The following SLC35F3 variants were observed in gnomAD, a reference collection of about 807,000 sequenced individuals.
SLC35F3 encodes the protein putative thiamine transporter SLC35F3.
SLC35F3 carries 25 observed loss-of-function variants against 49.9 expected under a neutral mutation model. The ratio of observed to expected loss-of-function variants is 0.50; its 90% CI spans 0.37 to 0.70. The LOEUF (loss-of-function observed/expected upper bound fraction) is 0.70. SLC35F3 is among the 30% of genes least tolerant of loss of function. SLC35F3 has a pLI of 0.00. For synonymous variants in SLC35F3, 275 were observed against 265.4 expected (o/e 1.04, Z -0.35); for missense variants, 525 against 639.8 (o/e 0.82, Z 1.94).
chr1:234,166,823 G>T (rs940170245), intron 2 of SLC35F3, among the ~76,000 whole-genome samples: 12 of 152,212 alleles, frequency 7.9e-5, no homozygotes, highest in African/African-American at 2.7e-4. Context: ...GAAAGATCTT[G>T]TGGTTCCTTT....
intron 2 of SLC35F3, among the ~76,000 whole-genome samples, chr1:234,028,534 T>C (rs1305760252): frequency 6.6e-6 from 1 of 152,130 alleles, no homozygotes; most frequent in Non-Finnish European, 1.5e-5. Context: ...TGGTGTTCTG[T>C]GGAGGTAGGC....
intron 2 of SLC35F3, among the ~76,000 whole-genome samples, chr1:233,998,614 G>A (rs1253590527): frequency 2.0e-5 from 3 of 151,662 alleles, no homozygotes. Context: ...CAGTAATGGA[G>A]ATGTTCTCTA....
At chr1:234,084,677 C>T (rs1664935711) in intron 2 of SLC35F3, among the ~76,000 whole-genome samples, 1 of 152,200 alleles carries the variant, frequency 6.6e-6, no homozygotes, top group Non-Finnish European at 1.5e-5. Flanking sequence ...GCCCTCGCAA[C>T]TCCAGGTGTT....
At chr1:234,122,639 G>A in intron 2 of SLC35F3, among the ~76,000 whole-genome samples, 1 of 152,032 alleles carries the variant, frequency 6.6e-6, no homozygotes, top group East Asian at 1.9e-4. Context: ...GGCCCAACAG[G>A]CCTCAGTATG....
At chr1:233,928,307 G>A (rs1304515287) in intron 2 of SLC35F3, among the ~76,000 whole-genome samples, 2 of 152,140 alleles carry the variant, frequency 1.3e-5, no homozygotes, top group East Asian at 3.8e-4. Flanking sequence ...TTTTTTAGAA[G>A]AAATGTGAGC....
In SLC35F3 at chr1:234,191,975, C is replaced by CA. The variant is rs1328923285; in HGVS notation, c.284-39432dup. On this transcript the variant is annotated intron_variant, in intron 2 of 7. Transcript: ENST00000366618. ...CAAATAATAATTTAAAAATTACCAACAAAAAAAAAAGTCCAGGACCAGATG... is the reference window on the plus strand; with the variant it reads ...CAAATAATAATTTAAAAATTACCAACAAAAAAAAAAAGTCCAGGACCAGATG... 3.5e-3 allele frequency among the ~76,000 whole-genome samples: 508 copies of CA among 146,340 alleles called. 4 individuals are homozygous for CA. Among genetic ancestry groups the CA allele is most frequent in the African/African-American group, 0.012 (473 of 40,180 alleles).
chr1:233,977,486 T>A (rs1663110190), intron 2 of SLC35F3, among the ~76,000 whole-genome samples: 1 of 152,058 alleles, frequency 6.6e-6, no homozygotes, highest in African/African-American at 2.4e-5. Flanking sequence ...TCTGATAGAG[T>A]TAGGGGACAG....
At chr1:234,294,309 GCT>G (rs1320377596) in intron 3 of SLC35F3, among the ~76,000 whole-genome samples, 2 of 152,194 alleles carry the variant, frequency 1.3e-5, no homozygotes, top group African/African-American at 4.8e-5. Context: ...AACAGGCTTG[GCT>G]CTGTTTCCTG....
intron 2 of SLC35F3, among the ~76,000 whole-genome samples, chr1:233,999,701 G>A (rs1341865958): frequency 1.3e-5 from 2 of 151,608 alleles, no homozygotes; most frequent in Non-Finnish European, 2.9e-5. Flanking sequence ...GCAAGTGGCC[G>A]AGCCCATTTG....
rs986839344 is a variant in SLC35F3, at chr1:234,214,549, G to T, written c.284-16868G>T. Reference sequence around the variant, plus strand: ...CCCCGCTCAGCGCCTGCAACAGTCCGGTCCTGACCCTTACCAAAGTGGAAG... The same window carrying T: ...CCCCGCTCAGCGCCTGCAACAGTCCTGTCCTGACCCTTACCAAAGTGGAAG... On this transcript the variant is annotated intron_variant, in intron 2 of 7. Coordinates refer to ENST00000366618, the MANE Select transcript of SLC35F3 (RefSeq NM_173508.4). This position sits in a 1 kb window ranked among gnomAD's most constrained non-coding sequence, Gnocchi z 8.0. The T allele has an allele frequency of 2.6e-6, 4 of 1,559,304 alleles. No individual in the cohort carries two copies. Among genetic ancestry groups the T allele is most frequent in the South Asian group, 1.2e-5 (1 of 83,450 alleles).
Position 233,957,776 on chromosome 1 carries a change from T to A in SLC35F3, c.283+52018T>A, listed in dbSNP as rs1339496256. On this transcript the variant is annotated intron_variant, in intron 2 of 7. Coordinates refer to ENST00000366618, the MANE Select transcript of SLC35F3 (RefSeq NM_173508.4). This position sits in a 1 kb window ranked among gnomAD's most constrained non-coding sequence, Gnocchi z 4.0. ...GTTGCATTGAGCCGAGACTGCATGA[T>A]TGCACTCCACCTAGGGCGACAAAAG... 6.6e-6 allele frequency among the ~76,000 whole-genome samples: 1 copy of A among 152,030 alleles called. No homozygotes were observed. Among genetic ancestry groups the A allele is most frequent in the African/African-American group, 2.4e-5 (1 of 41,390 alleles).
rs572563292 is a variant in SLC35F3 at position 233,976,020 on chromosome 1, T to C, written c.283+70262T>C. Among the ~76,000 whole-genome samples the C allele has an allele frequency of 4.1e-4, 62 of 152,288 alleles. No homozygotes were observed. In the South Asian group the frequency reaches 0.012, roughly 31 times the overall value. ...AAGATAATCCTGAAACGTAAGATCA[T>C]TACCCTTAGTGAACCAGTGCAAAAA... On this transcript the variant is annotated intron_variant, in intron 2 of 7. Coordinates refer to ENST00000366618, the MANE Select transcript of SLC35F3 (RefSeq NM_173508.4).
At chr1:234,159,750 G>A (rs561435149) in intron 2 of SLC35F3, among the ~76,000 whole-genome samples, 1 of 152,060 alleles carries the variant, frequency 6.6e-6, no homozygotes, top group East Asian at 1.9e-4. Context: ...TAATTTGTAG[G>A]CAAGGGATTC....
intron 2 of SLC35F3, among the ~76,000 whole-genome samples, chr1:234,122,396 T>C (rs1558235509): frequency 6.6e-6 from 1 of 152,258 alleles, no homozygotes; most frequent in Admixed American, 6.5e-5. Flanking sequence ...CAAATAGCTA[T>C]ACCAATATTT....
Position 233,905,771 on chromosome 1 carries a change from C to CA in SLC35F3, c.283+14dup, listed in dbSNP as rs1240459044. 1.3e-6 allele frequency: 2 copies of CA among 1,596,916 alleles called. No individual in the cohort carries two copies. Among genetic ancestry groups the CA allele is most frequent in the African/African-American group, 2.7e-5 (2 of 74,674 alleles). On this transcript the variant is annotated intron_variant, in intron 2 of 7. Coordinates refer to ENST00000366618, the MANE Select transcript of SLC35F3 (RefSeq NM_173508.4). ...GCGAGCTGCAAAAGTAAGACCCCCT[C>CA]ACGTCATGTTTCCCGTTCACTGGTC...
At chr1:234,074,533 G>C (rs765224143) in intron 2 of SLC35F3, among the ~76,000 whole-genome samples, 1 of 152,212 alleles carries the variant, frequency 6.6e-6, no homozygotes, top group Non-Finnish European at 1.5e-5. Flanking sequence ...AAGATGAAGT[G>C]GGGGAGGGTA....
rs530739812 is a variant in SLC35F3 at position 234,035,541 on chromosome 1, T to C, written c.283+129783T>C. Among the ~76,000 whole-genome samples the C allele has an allele frequency of 2.0e-5, 3 of 152,320 alleles. No homozygotes were observed. In the South Asian group the frequency reaches 6.2e-4, roughly 32 times the overall value. On this transcript the variant is annotated intron_variant, in intron 2 of 7. Transcript: ENST00000366618. ...TTCTTGAATTGTATTATAAATAATT[T>C]GTTTCCTTCCATCTCTCTTTTCTAA...
At chr1:234,300,589 A>G (rs1197439186) in intron 3 of SLC35F3, among the ~76,000 whole-genome samples, 1 of 152,266 alleles carries the variant, frequency 6.6e-6, no homozygotes, top group Admixed American at 6.5e-5. Flanking sequence ...ATAAGCTGCT[A>G]TTACAATAAA....
At chr1:234,195,965 G>C (rs1487649427) in intron 2 of SLC35F3, among the ~76,000 whole-genome samples, 1 of 152,052 alleles carries the variant, frequency 6.6e-6, no homozygotes, top group African/African-American at 2.4e-5. Context: ...CCAGCCACGT[G>C]GAATTGTGAG....
Sources: allele counts gnomAD v4.1 joint callset (sites outside exome capture counted in the v4.1 genomes callset), GRCh38; gene constraint gnomAD v4.1.1; non-coding constraint Gnocchi (gnomAD v3.1); transcripts MANE v1.5; gene names NCBI Gene and HGNC (gene_info 2026-07-23, HGNC 2026-07-21).